Variants in RBMXL1 observed in about 807,000 individuals in gnomAD.
The protein encoded by RBMXL1 is RBMX like 1, also known as RNA binding motif protein, X-linked-like-1.
A neutral mutation model predicts 29.0 loss-of-function variants in RBMXL1; 18 were observed. The observed-to-expected ratio is 0.62, with a 90% CI of 0.43 to 0.92. The LOEUF (loss-of-function observed/expected upper bound fraction) is 0.92. Among genes scored for constraint, RBMXL1 ranks in the 40% least tolerant of loss-of-function variants. The pLI is 0.00. For missense variants in RBMXL1, 403 were observed against 495.8 expected, an observed-to-expected ratio of 0.81 and a Z score of 1.78; for synonymous variants, 141 against 170.4, an observed-to-expected ratio of 0.83 and a Z score of 1.34.
Position 88,982,709 on chromosome 1 carries a change from C to A in RBMXL1, c.1118G>T (p.Gly373Val), listed in dbSNP as rs747616738. Reference protein sequence around the residue: ...YSSSSRGAPRGAGPGGSRSDR... With the variant: ...YSSSSRGAPRVAGPGGSRSDR... Reference sequence around the variant, plus strand: ...AGATCGGCTTCCTCCAGGGCCAGCACCTCTTGGTGCTCCGCGGCTTGAACT... The same window carrying A: ...AGATCGGCTTCCTCCAGGGCCAGCAACTCTTGGTGCTCCGCGGCTTGAACT... Residue 373 changes from glycine to valine, a missense_variant, in exon 3 of 3, where the codon GGT becomes GTT. Transcript: ENST00000652648. The A allele has an allele frequency of 5.0e-6, 8 of 1,613,910 alleles. No individual in the cohort carries two copies. Among genetic ancestry groups the A allele is most frequent in the South Asian group, 2.2e-5 (2 of 91,066 alleles).
At chr1:88,991,522 G>A (rs1429727012) in intron 1 of RBMXL1, among the ~76,000 whole-genome samples, 1 of 152,204 alleles carries the variant, frequency 6.6e-6, no homozygotes, top group Non-Finnish European at 1.5e-5. Context: ...AAGGTTCACC[G>A]ATACAACAGA....
chr1:88,985,148 C>T (rs1453446554), intron 2 of RBMXL1, among the ~76,000 whole-genome samples: 1 of 152,116 alleles, frequency 6.6e-6, no homozygotes, highest in East Asian at 1.9e-4. Flanking sequence ...TGGAGTCAGG[C>T]CAAGTGGAGA....
Position 88,982,404 on chromosome 1 carries a change from AG to A in RBMXL1, c.*249del. On this transcript the variant is annotated 3_prime_UTR_variant, in exon 3 of 3. Transcript: ENST00000652648. ...CCTTTACTTGGAAAGTTACAACACT[AG>A]TACTACAAGGCTTAACACATTTAAC... 1.2e-6 allele frequency: 1 copy of A among 858,350 alleles called. No individual in the cohort carries two copies. The highest frequency in any genetic ancestry group is 1.6e-6 in the Non-Finnish European group (1 of 608,152). The allele number at this position is 858,350 out of a possible 1,614,324, so 53.2% of individuals were successfully genotyped here.
At chr1:88,989,500 C>A (rs1180705699) in intron 1 of RBMXL1, among the ~76,000 whole-genome samples, 1 of 152,120 alleles carries the variant, frequency 6.6e-6, no homozygotes, top group Non-Finnish European at 1.5e-5. Context: ...AACCCTCTAA[C>A]GACATAAAGA....
At chr1:88,990,882 A>G (rs916020976) in intron 1 of RBMXL1, among the ~76,000 whole-genome samples, 1 of 152,240 alleles carries the variant, frequency 6.6e-6, no homozygotes, top group African/African-American at 2.4e-5. Flanking sequence ...TGAGATAAAT[A>G]CATTAAATTT....
At chr1:88,986,176 T>G (rs1677439438) in intron 2 of RBMXL1, among the ~76,000 whole-genome samples, 1 of 132,934 alleles carries the variant, frequency 7.5e-6, no homozygotes, top group Non-Finnish European at 1.7e-5. Context: ...AGTGAGAGAC[T>G]GTATGAAAAA....
At position 88,981,263 on chromosome 1, in the gene RBMXL1, AT is replaced by A. The variant is rs1465358555; in HGVS notation, c.*1390del. ...TTTGTGGATAAGCCACCACAAAAAA[AT>A]GTTTCACTTACTGACAAGACACTTC... is the stretch of plus-strand genomic sequence containing the variant. On this transcript the variant is annotated 3_prime_UTR_variant, in exon 3 of 3. Transcript: ENST00000652648. 6.6e-6 allele frequency: 1 copy of A among 152,214 alleles called. No homozygotes were observed. Among genetic ancestry groups the A allele is most frequent in the Non-Finnish European group, 1.5e-5 (1 of 68,022 alleles). 9.4% of individuals were successfully genotyped at this position (152,214 alleles called of 1,614,324 possible). A position where few individuals can be genotyped will look rare whatever the true frequency, so the allele number is the denominator to read the frequency against.
intron 1 of RBMXL1, among the ~76,000 whole-genome samples, chr1:88,992,133 C>T (rs1015106847): frequency 6.6e-6 from 1 of 152,042 alleles, no homozygotes; most frequent in Non-Finnish European, 1.5e-5. Flanking sequence ...CGCCCGCCAC[C>T]ACGCCCGGCT....
chr1:88,980,344 A>G lies in RBMXL1; in HGVS notation c.*2310T>C, dbSNP rs1310476411. 1.3e-5 allele frequency: 2 copies of G among 152,650 alleles called. No homozygotes were observed. The highest frequency in any genetic ancestry group is 2.9e-5 in the Non-Finnish European group (2 of 68,030). The allele number at this position is 152,650 out of a possible 1,614,324, so 9.5% of individuals were successfully genotyped here. On this transcript the variant is annotated 3_prime_UTR_variant, in exon 3 of 3. Coordinates refer to ENST00000652648, the MANE Select transcript of RBMXL1 (RefSeq NM_001162536.3). Reference sequence around the variant, plus strand: ...TAAAAAGCTGCCAGAGTATTCTGAAATCATGCCTTCTTTTCTCCCTCTGGA... The same window carrying G: ...TAAAAAGCTGCCAGAGTATTCTGAAGTCATGCCTTCTTTTCTCCCTCTGGA...
In RBMXL1 at chr1:88,983,018, C is replaced by T. The variant is rs1254010682; in HGVS notation, c.809G>A (p.Arg270His). The T allele has an allele frequency of 9.9e-6, 16 of 1,612,820 alleles. No homozygotes were observed. The highest frequency in any genetic ancestry group is 3.3e-5 in the South Asian group (3 of 91,020). ...YGDRDGYGRDRDYSDHPSGGS... is the reference protein window; with the variant it reads ...YGDRDGYGRDHDYSDHPSGGS... ...TCCACTTGGATGATCTGAATAGTCACGATCACGACCATATCCATCTCTATC... is the reference window on the plus strand; with the variant it reads ...TCCACTTGGATGATCTGAATAGTCATGATCACGACCATATCCATCTCTATC... Residue 270 changes from arginine (R) to histidine (H), a missense_variant, in exon 3 of 3, where the codon CGT (arginine) becomes CAT (histidine). Coordinates refer to ENST00000652648, the MANE Select transcript of RBMXL1 (RefSeq NM_001162536.3).
rs374139176 is a variant in RBMXL1 at position 88,983,822 on chromosome 1, A to G, written c.5T>C (p.Val2Ala). The G allele has an allele frequency of 9.0e-5, 144 of 1,605,568 alleles. 2 individuals carry two copies. In the South Asian group the frequency reaches 1.5e-3, roughly 17 times the overall value. Residue 2 changes from valine to alanine, a missense_variant, in exon 3 of 3, where the codon GTT becomes GCT. Physicochemically the swap from Val to Ala is moderately conservative, Grantham distance 64 (BLOSUM62 0). Transcript: ENST00000652648. M[V>A]EADRPGKLFI... ...GAGCTTTCCTGGGCGATCTGCTTCA[A>G]CCATTTTTTTTTTTGCCGGTGAGTC...
At chr1:88,985,215 AGAGT>A (rs1187484815) in intron 2 of RBMXL1, among the ~76,000 whole-genome samples, 3 of 152,242 alleles carry the variant, frequency 2.0e-5, no homozygotes, top group South Asian at 2.1e-4. Flanking sequence ...AGACCTTGGA[AGAGT>A]GAGTAAGTGA....
At position 88,983,886 on chromosome 1, in the gene RBMXL1, C is replaced by A. The variant is rs1450927113; in HGVS notation, c.-60G>T. 14 of 1,605,256 alleles carry A rather than the reference C, an allele frequency of 8.7e-6. No individual in the cohort carries two copies. Among genetic ancestry groups the A allele is most frequent in the Non-Finnish European group, 1.2e-5 (14 of 1,172,620 alleles). The stretch of plus-strand genomic sequence containing the variant: ...TGGGTTCAAGCTCCAACAAGCTCGC[C>A]GACAGGGGCTTCCTAGCAGCTCAGC... On this transcript the variant is annotated 5_prime_UTR_variant, in exon 3 of 3. Transcript: ENST00000652648.
intron 1 of RBMXL1, among the ~76,000 whole-genome samples, chr1:88,992,138 C>A (rs962236986): frequency 6.6e-6 from 1 of 152,046 alleles, no homozygotes; most frequent in Non-Finnish European, 1.5e-5. Flanking sequence ...GCCACCACGC[C>A]CGGCTAATTT....
intron 1 of RBMXL1, among the ~76,000 whole-genome samples, chr1:88,988,989 G>T (rs762398441): frequency 2.0e-4 from 30 of 152,202 alleles, no homozygotes; most frequent in African/African-American, 7.2e-4. Flanking sequence ...ATTGATATCC[G>T]TCATGGGTAA....
rs566039914 is a variant in RBMXL1 at position 88,989,705 on chromosome 1, T to C, written c.-340-1354A>G. ...ATTTCACCCCAGACTGGGTGAGCCATACTCTCTAGGTACCAGGCCTCAATG... is the reference window on the plus strand; with the variant it reads ...ATTTCACCCCAGACTGGGTGAGCCACACTCTCTAGGTACCAGGCCTCAATG... On this transcript the variant is annotated intron_variant, in intron 1 of 2. Transcript: ENST00000652648. 5.3e-5 allele frequency among the ~76,000 whole-genome samples: 8 copies of C among 152,252 alleles called. No homozygotes were observed. In the South Asian group the frequency reaches 1.7e-3, roughly 32 times the overall value.
At position 88,983,631 on chromosome 1, in the gene RBMXL1, C is replaced by G; in HGVS notation, c.196G>C (p.Ala66Pro). 1 of 1,614,010 alleles carries G rather than the reference C, an allele frequency of 6.2e-7. No homozygotes were observed. Among genetic ancestry groups the G allele is most frequent in the Non-Finnish European group, 8.5e-7 (1 of 1,180,042 alleles). Reference sequence around the variant, plus strand: ...AATGACTTTCCATTCATGTCTCTGGCTGCATCCTTAGCGTCTGCTGGGCTT... The same window carrying G: ...AATGACTTTCCATTCATGTCTCTGGGTGCATCCTTAGCGTCTGCTGGGCTT... ...FESPADAKDA[A>P]RDMNGKSLDG... is the part of the protein sequence containing the mutation. The change falls in exon 3 of 3, where the codon GCC (alanine) becomes CCC (proline). Residue 66 changes from alanine (A) to proline (P), a missense_variant. Ala to Pro is a conservative substitution (Grantham distance 27). Transcript: ENST00000652648.
chr1:88,979,528 A>T lies in RBMXL1; in HGVS notation c.*3126T>A, dbSNP rs1280623366. 1 of 152,204 alleles carries T rather than the reference A, an allele frequency of 6.6e-6. No homozygotes were observed. Among genetic ancestry groups the T allele is most frequent in the African/African-American group, 2.4e-5 (1 of 41,450 alleles). 9.4% of individuals were successfully genotyped at this position (152,204 alleles called of 1,614,324 possible). On this transcript the variant is annotated 3_prime_UTR_variant, in exon 3 of 3. Coordinates refer to ENST00000652648, the MANE Select transcript of RBMXL1 (RefSeq NM_001162536.3). ...CTCAATAAGACAAACAATCCAATTA[A>T]AAGTGGGCAAAAGATTTGACAGCCA...
In RBMXL1 at chr1:88,991,983, G is replaced by GTTT. The variant is rs10638041; in HGVS notation, c.-341+599_-341+601dup. ...ACGTAACAGCCTTGGTATTCTTTTGGTTTTTTTTTTTTTGAGACGGAGTCT... is the reference window on the plus strand; with the variant it reads ...ACGTAACAGCCTTGGTATTCTTTTGGTTTTTTTTTTTTTTTTGAGACGGAGTCT... On this transcript the variant is annotated intron_variant, in intron 1 of 2. Coordinates refer to ENST00000652648, the MANE Select transcript of RBMXL1 (RefSeq NM_001162536.3). 7.8e-4 allele frequency among the ~76,000 whole-genome samples: 113 copies of GTTT among 144,788 alleles called. 4 individuals are homozygous for GTTT. Among genetic ancestry groups the GTTT allele is most frequent in the Admixed American group, 1.4e-3 (20 of 14,638 alleles). The allele number at this position is 144,788 out of a possible 152,430, so 95.0% of individuals were successfully genotyped here. A position where few individuals can be genotyped will look rare whatever the true frequency, so the allele number is the denominator to read the frequency against.
Sources: allele counts gnomAD v4.1 joint callset (sites outside exome capture counted in the v4.1 genomes callset), GRCh38; gene constraint gnomAD v4.1.1; transcripts MANE v1.5; gene names NCBI Gene and HGNC (gene_info 2026-07-23, HGNC 2026-07-21).